The following BCAR1 variants were observed in gnomAD, a reference collection of about 807,000 sequenced individuals.
BCAR1 encodes BCAR1 scaffold protein, Cas family member.
Under a neutral mutation model 67.6 loss-of-function variants are expected in BCAR1, and 30 were observed. That is an observed-to-expected ratio of 0.44 (90% CI 0.33 to 0.60). The LOEUF (loss-of-function observed/expected upper bound fraction) is 0.60, where lower values mean the gene tolerates loss of function less well. BCAR1 is among the 20% of genes least tolerant of loss of function. The pLI is 0.02. For synonymous variants in BCAR1, 626 were observed against 556.7 expected (o/e 1.12, Z -1.75); for missense variants, 1,313 against 1,222.3 (o/e 1.07, Z -1.11).
At chr16:75,241,260 G>A (rs765537007) in intron 2 of BCAR1, among the ~76,000 whole-genome samples, 1 of 152,204 alleles carries the variant, frequency 6.6e-6, no homozygotes, top group Non-Finnish European at 1.5e-5. Context: ...CATTTATGGG[G>A]TATGGGATGC....
Position 75,251,600 on chromosome 16 carries a change from C to T in BCAR1, c.-118G>A, listed in dbSNP as rs547236466. 45 of 1,026,992 alleles carry T rather than the reference C, an allele frequency of 4.4e-5. No individual in the cohort carries two copies. In the South Asian group the frequency reaches 9.8e-4, roughly 22 times the overall value. The allele number at this position is 1,026,992 out of a possible 1,614,324, so 63.6% of individuals were successfully genotyped here. On this transcript the variant is annotated 5_prime_UTR_variant, in exon 1 of 7. Transcript: ENST00000162330. ...CGCCCCGGTGCCGCCGCGCAGCTGC[C>T]GCCTCGGCCACCCAGAGCCGGTCCA... is the stretch of plus-strand genomic sequence containing the variant.
intron 4 of BCAR1, 144 bp downstream of exon 4, chr16:75,236,738 C>G (rs369385353): frequency 7.4e-7 from 1 of 1,359,048 alleles, no homozygotes. Context: ...CCTCATCTGT[C>G]AACCATCCAG....
chr16:75,240,537 AT>A (rs2077303848), intron 2 of BCAR1, among the ~76,000 whole-genome samples: 1 of 152,258 alleles, frequency 6.6e-6, no homozygotes, highest in Non-Finnish European at 1.5e-5. Context: ...AACTGCATGT[AT>A]AAATCTGTGA....
chr16:75,233,742 CA>C, intron 6 of BCAR1, 103 bp downstream of exon 6: 1 of 1,220,016 alleles, frequency 8.2e-7, no homozygotes. Context: ...CACTGTCAGA[CA>C]ACATGAGAAG....
intron 6 of BCAR1, among the ~76,000 whole-genome samples, chr16:75,231,824 C>G (rs1323133158): frequency 1.3e-5 from 2 of 152,216 alleles, no homozygotes; most frequent in Admixed American, 1.3e-4. Context: ...GAAAACACGG[C>G]GATCCCAGAG....
chr16:75,261,146 ACT>A (rs1293001670), intron 1 of BCAR1, among the ~76,000 whole-genome samples: 2 of 152,104 alleles, frequency 1.3e-5, no homozygotes, highest in African/African-American at 4.8e-5. Context: ...TGTCCCCAGA[ACT>A]CTTTTTCCTT....
At chr16:75,234,853 C>T in intron 5 of BCAR1, 36 bp downstream of exon 5, 1 of 1,516,232 alleles carries the variant, frequency 6.6e-7, no homozygotes, top group Non-Finnish European at 8.8e-7. Context: ...CCCAGCGTGG[C>T]AGAAGAGGAG....
chr16:75,264,002 C>T (rs1279817029), intron 1 of BCAR1: 2 of 1,201,438 alleles, frequency 1.7e-6, no homozygotes, highest in East Asian at 3.5e-5. Flanking sequence ...GACCTCTGCC[C>T]ACCCCCAGCA....
At chr16:75,247,788 G>C in intron 1 of BCAR1, 2 of 512,638 alleles carry the variant, frequency 3.9e-6, no homozygotes, top group East Asian at 3.5e-5. Flanking sequence ...CTCATATCTG[G>C]CCTGCACCCT....
At chr16:75,247,978 T>A (rs1399887129) in intron 1 of BCAR1, 5 of 888,994 alleles carry the variant, frequency 5.6e-6, no homozygotes. Flanking sequence ...AGTTCCTCCC[T>A]GCGGGAGGCA....
chr16:75,255,623 A>C (rs894214001), upstream of BCAR1, among the ~76,000 whole-genome samples: 6 of 150,758 alleles, frequency 4.0e-5, no homozygotes, highest in Admixed American at 1.3e-4. Context: ...TTGAACCAGG[A>C]GGTGAAGCAG....
chr16:75,248,207 G>A (rs552079965), intron 1 of BCAR1: 163 of 1,553,444 alleles, frequency 1.0e-4, no homozygotes, highest in South Asian at 3.7e-4. Flanking sequence ...GCCTGGGTTC[G>A]TGGAAACCAC....
intron 1 of BCAR1, chr16:75,265,019 T>C (rs6564244): frequency 0.96 from 146,474 of 152,712 alleles, 70,296 homozygotes; most frequent in East Asian, 1. Context: ...CACTTGCTGT[T>C]CTCAGGAGGT....
chr16:75,240,364 G>A (rs1340913032), intron 2 of BCAR1, among the ~76,000 whole-genome samples: 2 of 152,168 alleles, frequency 1.3e-5, no homozygotes, highest in African/African-American at 4.8e-5. Context: ...AGGTGTTACC[G>A]CCGTGCCACC....
chr16:75,231,877 T>C (rs768553173), intron 6 of BCAR1, among the ~76,000 whole-genome samples: 6 of 152,240 alleles, frequency 3.9e-5, no homozygotes, highest in Admixed American at 1.3e-4. Context: ...ATTGTTGATA[T>C]TTCAGGAGGT....
chr16:75,251,524 A>C lies in BCAR1; in HGVS notation c.-42T>G. On this transcript the variant is annotated 5_prime_UTR_variant, in exon 1 of 7. Transcript: ENST00000162330. ...GGGGCCCCGGCTCTCGCGGGGGCGC[A>C]CACCGAGCTGCCCGGGCCGCGTGCC... 7.8e-7 allele frequency: 1 copy of C among 1,280,346 alleles called. No individual in the cohort carries two copies. The highest frequency in any genetic ancestry group is 9.9e-7 in the Non-Finnish European group (1 of 1,012,286). The allele number at this position is 1,280,346 out of a possible 1,614,324, so 79.3% of individuals were successfully genotyped here.
chr16:75,237,720 G>A (rs1187969551), intron 2 of BCAR1, among the ~76,000 whole-genome samples: 3 of 152,182 alleles, frequency 2.0e-5, no homozygotes, highest in South Asian at 2.1e-4. Context: ...GGAACCCCCC[G>A]TTACTGGGGC....
chr16:75,263,367 G>A (rs538096279), intron 1 of BCAR1: 7 of 985,452 alleles, frequency 7.1e-6, no homozygotes, highest in Non-Finnish European at 8.4e-6. Context: ...CTCAGCTGCA[G>A]GAAGAGTCAG....
chr16:75,256,517 G>C (rs921866169), upstream of BCAR1, among the ~76,000 whole-genome samples: 2 of 151,998 alleles, frequency 1.3e-5, no homozygotes, highest in Non-Finnish European at 2.9e-5. Flanking sequence ...GCACGGATGG[G>C]GGGGGGTGGG....
Sources: allele counts gnomAD v4.1 joint callset (sites outside exome capture counted in the v4.1 genomes callset), GRCh38; gene constraint gnomAD v4.1.1; transcripts MANE v1.5; gene names NCBI Gene and HGNC (gene_info 2026-07-23, HGNC 2026-07-21).